Variants in COQ8B observed in about 807,000 individuals in gnomAD.
COQ8B encodes the protein coenzyme Q8B.
A neutral mutation model predicts 62.0 loss-of-function variants in COQ8B; 44 were observed. The ratio of observed to expected loss-of-function variants is 0.71; its 90% confidence interval spans 0.56 to 0.91. COQ8B has a LOEUF of 0.91. COQ8B is among the 40% of genes least tolerant of loss of function. COQ8B has a pLI of 0.00. For synonymous variants in COQ8B, 252 were observed against 289.9 expected (o/e 0.87, Z 1.33); for missense variants, 649 against 731.6 (o/e 0.89, Z 1.30).
At chr19:40,692,731 C>T (rs1205738309) in intron 14 of COQ8B, among the ~76,000 whole-genome samples, 1 of 151,960 alleles carries the variant, frequency 6.6e-6, no homozygotes, top group Non-Finnish European at 1.5e-5. Context: ...TCCCCAAAGC[C>T]CCCAGCATGG....
chr19:40,697,851 T>TAG (rs1290386996), intron 12 of COQ8B, among the ~76,000 whole-genome samples: 580 of 54,708 alleles, frequency 0.011, 13 homozygotes, highest in South Asian at 0.015. Context: ...TATATATATA[T>TAG]AGAGAGAGAG....
intron 13 of COQ8B, among the ~76,000 whole-genome samples, chr19:40,694,797 C>T (rs2082001272): frequency 6.6e-6 from 1 of 152,342 alleles, no homozygotes; most frequent in South Asian, 2.1e-4. Context: ...TCAATGCTGA[C>T]ACTCCCTCCT....
chr19:40,707,760 T>TA (rs1458196347), intron 5 of COQ8B, among the ~76,000 whole-genome samples: 2 of 152,210 alleles, frequency 1.3e-5, no homozygotes, highest in African/African-American at 4.8e-5. Flanking sequence ...CGGCCTCACT[T>TA]AGTGTTTTCA....
At chr19:40,704,853 G>T (rs1175240663) in intron 7 of COQ8B, 4 of 490,274 alleles carry the variant, frequency 8.2e-6, no homozygotes, top group Non-Finnish European at 1.5e-5. Flanking sequence ...TATGATGTGG[G>T]TGTGGCTGTC....
intron 5 of COQ8B, chr19:40,707,968 C>T (rs992121144): frequency 2.0e-5 from 3 of 152,182 alleles, no homozygotes; most frequent in Non-Finnish European, 2.9e-5. Context: ...TTTGTGAAAA[C>T]GCACCAAGCC....
chr19:40,701,603 T>A (rs1336663594), intron 10 of COQ8B: 1 of 152,242 alleles, frequency 6.6e-6, no homozygotes, highest in Non-Finnish European at 1.5e-5. Flanking sequence ...CTGCTCCTCA[T>A]GAACCGGAGC....
intron 5 of COQ8B, among the ~76,000 whole-genome samples, chr19:40,706,282 G>A (rs2082100495): frequency 6.6e-6 from 1 of 152,196 alleles, no homozygotes; most frequent in Non-Finnish European, 1.5e-5. Context: ...ACCATTCAGA[G>A]GGGTCTGAGA....
In COQ8B at chr19:40,710,123, G is replaced by C. The variant is rs2082129494; in HGVS notation, c.303C>G (p.Gly101=). 1 of 1,613,944 alleles carries C rather than the reference G, an allele frequency of 6.2e-7. No individual in the cohort carries two copies. The highest frequency in any genetic ancestry group is 1.3e-5 in the African/African-American group (1 of 74,918). ...TCTCGGCCAGTACTCCTAGCCCCAAGCCCACAGCCAGTCCTGGAGTGCAAG... is the reference window on the plus strand; with the variant it reads ...TCTCGGCCAGTACTCCTAGCCCCAACCCCACAGCCAGTCCTGGAGTGCAAG... ...RLANFGGLAV[G]LGLGVLAEMA... is the part of the protein sequence containing the mutation. Residue 101 remains glycine (G), a synonymous_variant, in exon 5 of 15, where the codon GGC becomes GGG. Coordinates refer to ENST00000324464, the MANE Select transcript of COQ8B (RefSeq NM_024876.4).
At chr19:40,712,137 T>C (rs2144715498) in intron 4 of COQ8B, among the ~76,000 whole-genome samples, 1 of 152,178 alleles carries the variant, frequency 6.6e-6, no homozygotes. Context: ...AGTGAATCTA[T>C]ATTTTTAAAA....
intron 13 of COQ8B, among the ~76,000 whole-genome samples, chr19:40,694,234 C>T (rs1308862858): frequency 1.3e-5 from 2 of 152,184 alleles, no homozygotes; most frequent in East Asian, 3.8e-4. Flanking sequence ...CCGTCTGCTC[C>T]CATGGACTGC....
Position 40,710,392 on chromosome 19 carries a change from G to A in COQ8B, c.290-256C>T, listed in dbSNP as rs144060535. Reference sequence around the variant, plus strand: ...CCCGAGTAGCTGGGATTACAGGCACGCGCCCACCACGCCTGGCTAAATTTT... The same window carrying A: ...CCCGAGTAGCTGGGATTACAGGCACACGCCCACCACGCCTGGCTAAATTTT... On this transcript the variant is annotated intron_variant, in intron 4 of 14. Coordinates refer to ENST00000324464, the MANE Select transcript of COQ8B (RefSeq NM_024876.4). 0.017 allele frequency among the ~76,000 whole-genome samples: 2,621 copies of A among 152,218 alleles called. 84 individuals carry two copies. Among genetic ancestry groups the A allele is most frequent in the African/African-American group, 0.06 (2,493 of 41,528 alleles).
intron 4 of COQ8B, among the ~76,000 whole-genome samples, chr19:40,712,216 A>G (rs1599639202): frequency 6.6e-6 from 1 of 151,978 alleles, no homozygotes; most frequent in Non-Finnish European, 1.5e-5. Flanking sequence ...AGGCAGGTGG[A>G]TCACGAGGTG....
Position 40,714,978 on chromosome 19 carries a change from C to T in COQ8B, c.-3-343G>A, listed in dbSNP as rs909388479. On this transcript the variant is annotated intron_variant, in intron 1 of 14. Coordinates refer to ENST00000324464, the MANE Select transcript of COQ8B (RefSeq NM_024876.4). ...CCTTCCCCTCTGTTGGCCCTGTAGG[C>T]ACCCGCAATTCCTCCGGTGTCCCCC... The T allele has an allele frequency of 7.6e-6, 8 of 1,045,894 alleles. No individual in the cohort carries two copies. In the Admixed American group the frequency reaches 2.1e-4, roughly 28 times the overall value. The allele number at this position is 1,045,894 out of a possible 1,614,324, so 64.8% of individuals were successfully genotyped here.
intron 5 of COQ8B, among the ~76,000 whole-genome samples, chr19:40,708,578 C>G (rs2082117686): frequency 6.6e-6 from 1 of 150,926 alleles, no homozygotes; most frequent in Non-Finnish European, 1.5e-5. Context: ...GGTGTAGACT[C>G]AGGCTGGTCA....
At chr19:40,704,921 C>T in intron 7 of COQ8B, 175 bp downstream of exon 7, 1 of 620,312 alleles carries the variant, frequency 1.6e-6, no homozygotes, top group Non-Finnish European at 2.7e-6. Context: ...GCTGCTGTTC[C>T]CTGTTTTAAT....
At chr19:40,702,941 G>A (rs1441586415) in intron 9 of COQ8B, among the ~76,000 whole-genome samples, 4 of 147,892 alleles carry the variant, frequency 2.7e-5, no homozygotes, top group Non-Finnish European at 5.9e-5. Context: ...GACCTGCATC[G>A]TATCATCTGT....
intron 5 of COQ8B, among the ~76,000 whole-genome samples, chr19:40,705,807 G>C (rs1053620387): frequency 6.6e-5 from 10 of 151,968 alleles, no homozygotes; most frequent in African/African-American, 1.9e-4. Flanking sequence ...GCATGTGCCT[G>C]TAGTCCCAGC....
intron 14 of COQ8B, 104 bp downstream of exon 14, chr19:40,692,847 C>G: frequency 1.0e-6 from 1 of 962,558 alleles, no homozygotes; most frequent in South Asian, 1.6e-5. Flanking sequence ...CCCCGGGTAT[C>G]GACATGCCCC....
intron 12 of COQ8B, among the ~76,000 whole-genome samples, chr19:40,698,841 C>G (rs2082039261): frequency 2.0e-5 from 3 of 152,228 alleles, no homozygotes; most frequent in South Asian, 4.1e-4. Flanking sequence ...CTTTGGAAAA[C>G]AGTTGGCAAC....
Sources: allele counts gnomAD v4.1 joint callset (sites outside exome capture counted in the v4.1 genomes callset), GRCh38; gene constraint gnomAD v4.1.1; transcripts MANE v1.5; gene names NCBI Gene and HGNC (gene_info 2026-07-23, HGNC 2026-07-21).